The following EDIL3 variants were observed in gnomAD, a reference collection of about 807,000 sequenced individuals.
EDIL3 encodes EGF-like repeat and discoidin I-like domain-containing protein 3.
A neutral mutation model predicts 67.4 loss-of-function variants in EDIL3; 37 were observed. That is an observed-to-expected ratio of 0.55 (90% CI 0.42 to 0.72). The LOEUF (loss-of-function observed/expected upper bound fraction) is 0.72. Among genes scored for constraint, EDIL3 ranks in the 30% least tolerant of loss-of-function variants. The pLI, the probability that EDIL3 is intolerant of heterozygous loss-of-function variation, is 0.00. For synonymous variants in EDIL3, 195 were observed against 196.3 expected (o/e 0.99, Z 0.05); for missense variants, 527 against 586.3 (o/e 0.90, Z 1.04).
At chr5:84,011,974 C>G (rs898836260) in intron 9 of EDIL3, among the ~76,000 whole-genome samples, 1 of 152,144 alleles carries the variant, frequency 6.6e-6, no homozygotes, top group African/African-American at 2.4e-5. Flanking sequence ...ACCTTCTCCA[C>G]TAGATTATAA....
intron 1 of EDIL3, among the ~76,000 whole-genome samples, chr5:84,368,226 A>T (rs1747779747): frequency 6.6e-6 from 1 of 152,228 alleles, no homozygotes; most frequent in South Asian, 2.1e-4. Context: ...ACTTACTGCA[A>T]TGCTACAGTA....
At chr5:84,236,193 A>G (rs1333906608) in intron 2 of EDIL3, among the ~76,000 whole-genome samples, 1 of 152,068 alleles carries the variant, frequency 6.6e-6, no homozygotes, top group East Asian at 1.9e-4. Context: ...TAAGAAAACT[A>G]AAACTAAACT....
chr5:84,371,174 T>C (rs550060668), intron 1 of EDIL3, among the ~76,000 whole-genome samples: 5 of 151,226 alleles, frequency 3.3e-5, no homozygotes, highest in East Asian at 1.9e-4. Context: ...GGAAATATGA[T>C]GTGTATGTAA....
At chr5:84,212,314 T>A (rs374449393) in intron 3 of EDIL3, among the ~76,000 whole-genome samples, 1 of 152,064 alleles carries the variant, frequency 6.6e-6, no homozygotes, top group Non-Finnish European at 1.5e-5. Context: ...GAAGGATGAG[T>A]CCAGTTGAGA....
intron 3 of EDIL3, among the ~76,000 whole-genome samples, chr5:84,223,198 G>A (rs1314129495): frequency 1.3e-5 from 2 of 151,730 alleles, no homozygotes; most frequent in Non-Finnish European, 3.0e-5. Context: ...TTGTGGGAAT[G>A]TAATCTGGTG....
chr5:84,072,771 C>A (rs1224136087), intron 6 of EDIL3, among the ~76,000 whole-genome samples: 1 of 151,890 alleles, frequency 6.6e-6, no homozygotes, highest in East Asian at 1.9e-4. Flanking sequence ...AAAGAAGATA[C>A]TATTTACTTG....
At chr5:84,100,596 T>C (rs1747345950) in intron 6 of EDIL3, among the ~76,000 whole-genome samples, 1 of 151,882 alleles carries the variant, frequency 6.6e-6, no homozygotes, top group African/African-American at 2.4e-5. Flanking sequence ...AGGGGAGGGA[T>C]CGCATTAGGA....
At chr5:84,348,040 T>TA (rs1454963763) in intron 1 of EDIL3, among the ~76,000 whole-genome samples, 2 of 152,026 alleles carry the variant, frequency 1.3e-5, no homozygotes, top group East Asian at 1.9e-4. Context: ...GAGGAAAATG[T>TA]AAAAAAAGCA....
intron 9 of EDIL3, among the ~76,000 whole-genome samples, chr5:83,977,658 T>C (rs984192187): frequency 1.3e-5 from 2 of 151,882 alleles, no homozygotes; most frequent in Admixed American, 6.6e-5. Flanking sequence ...GTTTTGGTAA[T>C]GTTTCTTTTA....
At chr5:84,117,066 G>C (rs1327317753) in intron 5 of EDIL3, among the ~76,000 whole-genome samples, 3 of 116,416 alleles carry the variant, frequency 2.6e-5, no homozygotes, top group Non-Finnish European at 4.8e-5. Context: ...CTCGCTCTGT[G>C]GCCCAGGCGG....
At chr5:84,290,335 T>C (rs1054299469) in intron 1 of EDIL3, among the ~76,000 whole-genome samples, 1 of 152,158 alleles carries the variant, frequency 6.6e-6, no homozygotes, top group African/African-American at 2.4e-5. Flanking sequence ...GTCTTCCCAG[T>C]GCTGCTGCCC....
intron 4 of EDIL3, among the ~76,000 whole-genome samples, chr5:84,148,484 C>T (rs1173750456): frequency 6.6e-6 from 1 of 152,148 alleles, no homozygotes; most frequent in Non-Finnish European, 1.5e-5. Context: ...TAAACTAACA[C>T]ACCAACTCTT....
At chr5:84,048,736 G>A (rs565699895) in intron 9 of EDIL3, among the ~76,000 whole-genome samples, 6 of 151,706 alleles carry the variant, frequency 4.0e-5, no homozygotes, top group Non-Finnish European at 5.9e-5. Context: ...CCACCAATAC[G>A]GCAATGAATA....
intron 1 of EDIL3, among the ~76,000 whole-genome samples, chr5:84,340,307 A>C (rs1381307520): frequency 6.6e-6 from 1 of 151,926 alleles, no homozygotes; most frequent in East Asian, 1.9e-4. Context: ...GCCAGTTATA[A>C]GCTCTGCTAC....
At chr5:84,222,584 C>T (rs1167778034) in intron 3 of EDIL3, among the ~76,000 whole-genome samples, 2 of 151,750 alleles carry the variant, frequency 1.3e-5, no homozygotes, top group Non-Finnish European at 3.0e-5. Flanking sequence ...AAGTAAATTA[C>T]AATAATTTTA....
At chr5:84,165,682 T>A (rs1414273696) in intron 4 of EDIL3, among the ~76,000 whole-genome samples, 2 of 152,106 alleles carry the variant, frequency 1.3e-5, no homozygotes, top group Non-Finnish European at 2.9e-5. Flanking sequence ...GAGAGGCAAA[T>A]GGCTCTCTCG....
In EDIL3 at chr5:84,145,176, G is replaced by A. The variant is rs138933767; in HGVS notation, c.356-7822C>T. On this transcript the variant is annotated intron_variant, in intron 4 of 10. Coordinates refer to ENST00000296591, the MANE Select transcript of EDIL3 (RefSeq NM_005711.5). ...TGCTTTAGAGCATTATGTACAAAAT[G>A]TACTAAGATTATAGAAAAAGCAGTA... Among the ~76,000 whole-genome samples, 7 of 152,210 alleles carry A rather than the reference G, an allele frequency of 4.6e-5. No individual in the cohort carries two copies. The East Asian group carries it at 1.4e-3, about 29-fold the overall frequency.
chr5:84,198,516 C>A (rs1230957847), intron 3 of EDIL3, among the ~76,000 whole-genome samples: 1 of 152,026 alleles, frequency 6.6e-6, no homozygotes, highest in East Asian at 1.9e-4. Context: ...GATTAACATA[C>A]TCAGCTATTG....
At chr5:84,363,003 T>C (rs1297780545) in intron 1 of EDIL3, among the ~76,000 whole-genome samples, 1 of 152,176 alleles carries the variant, frequency 6.6e-6, no homozygotes, top group Non-Finnish European at 1.5e-5. Context: ...TATTTTTTGA[T>C]AGCAATGAGT....
Sources: gnomAD v4.1 joint callset for allele counts (sites outside exome capture counted in the v4.1 genomes callset) on GRCh38, gnomAD v4.1.1 for gene constraint, MANE v1.5 for transcripts, NCBI Gene and HGNC (gene_info 2026-07-23, HGNC 2026-07-21) for gene names.